The following RTCA variants were observed in gnomAD, a reference collection of about 807,000 sequenced individuals.
The protein encoded by RTCA is RNA terminal phosphate cyclase domain 1.
RTCA carries 37 observed loss-of-function variants against 46.1 expected under a neutral mutation model. That is an observed-to-expected ratio of 0.80 (90% confidence interval 0.62 to 1.06). The LOEUF (loss-of-function observed/expected upper bound fraction) is 1.06, where lower values mean the gene tolerates loss of function less well. Ranked by LOEUF, RTCA falls within the 50% of genes least tolerant of loss-of-function variation. The probability of loss-of-function intolerance (pLI) is 0.00; values close to 1 mark genes in which losing one functional copy is unlikely to be tolerated. For missense variants in RTCA, 435 were observed against 455.5 expected (o/e 0.95, Z 0.41); for synonymous variants, 164 against 158.3 (o/e 1.04, Z -0.27).
intron 8 of RTCA, among the ~76,000 whole-genome samples, chr1:100,282,010 G>A (rs1666737493): frequency 6.6e-6 from 1 of 152,098 alleles, no homozygotes; most frequent in South Asian, 2.1e-4. Context: ...CGGCCTCATG[G>A]CATCTCTCTG....
At chr1:100,266,675 G>T in intron 2 of RTCA, 51 bp downstream of exon 2, 2 of 1,482,136 alleles carry the variant, frequency 1.3e-6, no homozygotes, top group Non-Finnish European at 1.8e-6. Flanking sequence ...GGATCGGGGG[G>T]TCGGGCTGCC....
At chr1:100,285,432 C>A in intron 9 of RTCA, 110 bp downstream of exon 9, 3 of 691,198 alleles carry the variant, frequency 4.3e-6, no homozygotes, top group Non-Finnish European at 7.4e-6. Flanking sequence ...GCAAGTCCTA[C>A]TTCAATAATT....
chr1:100,283,922 T>TAAAAAAAAAAAAAAAAAAAAAAAA (rs562483681), intron 8 of RTCA, among the ~76,000 whole-genome samples: 1 of 11,380 alleles, frequency 8.8e-5, no homozygotes, highest in African/African-American at 3.1e-4. Context: ...ACCTAGTCGC[T>TAAAAAAAAAAAAAAAAAAAAAAAA]AAAAAAAAAA....
intron 2 of RTCA, among the ~76,000 whole-genome samples, chr1:100,267,759 C>T (rs375409311): frequency 2.6e-5 from 4 of 151,846 alleles, no homozygotes; most frequent in Admixed American, 6.6e-5. Context: ...TTCTGAGATA[C>T]GGAGGGTTAC....
At chr1:100,286,248 C>T (rs760326084) in intron 9 of RTCA, among the ~76,000 whole-genome samples, 12 of 151,824 alleles carry the variant, frequency 7.9e-5, no homozygotes, top group Non-Finnish European at 1.0e-4. Flanking sequence ...GTCAAGAGAT[C>T]GAGACCATCC....
At position 100,270,547 on chromosome 1, in the gene RTCA, T is replaced by G. The variant is rs775064971; in HGVS notation, c.291-10T>G. The G allele has an allele frequency of 1.9e-5, 30 of 1,607,002 alleles. No homozygotes were observed. The highest frequency in any genetic ancestry group is 2.3e-5 in the Non-Finnish European group (27 of 1,178,088). On this transcript the variant is annotated splice_polypyrimidine_tract_variant and intron_variant, in intron 3 of 10. Coordinates refer to ENST00000370128, the MANE Select transcript of RTCA (RefSeq NM_003729.4). ...AAAATGAAAATAAGCCCCTTCTGCC[T>G]TCTCCTTAGGAGTGTGTGCCTCTTG... is the stretch of plus-strand genomic sequence containing the variant.
chr1:100,284,481 C>T (rs1407684116), intron 8 of RTCA, among the ~76,000 whole-genome samples: 1 of 151,726 alleles, frequency 6.6e-6, no homozygotes, highest in Non-Finnish European at 1.5e-5. Context: ...GCAACCTCCA[C>T]CTCCCAGGTT....
intron 2 of RTCA, 105 bp from the exon 3 acceptor site, chr1:100,268,047 G>T: frequency 6.6e-7 from 1 of 1,518,740 alleles, no homozygotes; most frequent in South Asian, 1.3e-5. Flanking sequence ...ACTGTGGTTA[G>T]ACCTTGCTGT....
intron 8 of RTCA, among the ~76,000 whole-genome samples, chr1:100,284,867 G>T (rs1480750145): frequency 6.6e-6 from 1 of 152,136 alleles, no homozygotes; most frequent in African/African-American, 2.4e-5. Flanking sequence ...CAAAGTCCTG[G>T]GATTACAGGC....
chr1:100,274,090 C>G (rs75119298), intron 5 of RTCA, among the ~76,000 whole-genome samples: 6,928 of 152,200 alleles, frequency 0.046, 163 homozygotes, highest in South Asian at 0.082. Flanking sequence ...AGTTAGAAAT[C>G]CTATGTTTTT....
At chr1:100,268,394 T>C (rs940731130) in intron 3 of RTCA, 99 bp downstream of exon 3, 3 of 975,428 alleles carry the variant, frequency 3.1e-6, no homozygotes, top group Admixed American at 6.2e-5. Context: ...CTTGTTTCCC[T>C]ACTTTTATGT....
intron 5 of RTCA, 118 bp downstream of exon 5, chr1:100,273,570 A>G (rs1385154120): frequency 1.9e-6 from 1 of 533,998 alleles, no homozygotes; most frequent in African/African-American, 2.0e-5. Context: ...ATCTCTTGTA[A>G]GAAGTAATTG....
intron 8 of RTCA, among the ~76,000 whole-genome samples, chr1:100,283,522 A>G (rs1666835220): frequency 2.6e-5 from 4 of 152,184 alleles, no homozygotes. Context: ...CAAGCATTTC[A>G]GATAAGGGTT....
At chr1:100,266,933 T>C (rs1665815414) in intron 2 of RTCA, 3 of 393,510 alleles carry the variant, frequency 7.6e-6, no homozygotes, top group Non-Finnish European at 1.4e-5. Flanking sequence ...ACAGCACGTA[T>C]GAGCTGGCAA....
intron 8 of RTCA, among the ~76,000 whole-genome samples, chr1:100,283,120 C>T (rs1438748992): frequency 2.0e-5 from 3 of 146,342 alleles, no homozygotes; most frequent in Admixed American, 1.4e-4. Context: ...AGACTTGGGT[C>T]GCATCCCCAA....
At position 100,266,544 on chromosome 1, in the gene RTCA, C is replaced by G; in HGVS notation, c.66C>G (p.Val22=). Residue 22 remains valine (V), a synonymous_variant, in exon 2 of 11, where the codon GTC becomes GTG. Transcript: ENST00000370128. ...IMEGGGQILR[V]STALSCLLGL... is the part of the protein sequence containing the mutation. ...TGCAGGGCGGCCAGATCCTGAGAGT[C>G]TCTACGGCCTTGAGCTGTCTCCTAG... is the stretch of plus-strand genomic sequence containing the variant. 6.2e-7 allele frequency: 1 copy of G among 1,613,724 alleles called. No individual in the cohort carries two copies. Among genetic ancestry groups the G allele is most frequent in the Non-Finnish European group, 8.5e-7 (1 of 1,179,634 alleles).
rs1458076059 is a variant in RTCA, at chr1:100,291,458, ATAT to A, written c.1060_1062del (p.Ile354del). 6.2e-7 allele frequency: 1 copy of A among 1,612,498 alleles called. No homozygotes were observed. Among genetic ancestry groups the A allele is most frequent in the African/African-American group, 1.3e-5 (1 of 74,998 alleles). ...GAAGAAGACGCCGCTAAAGATACTT[ATAT>A]TATTGAATGCCAAGGAATTGGGATG... On this transcript the variant is annotated inframe_deletion, in exon 11 of 11. Coordinates refer to ENST00000370128, the MANE Select transcript of RTCA (RefSeq NM_003729.4).
rs746677124 is a variant in RTCA, at chr1:100,266,367, G to A, written c.-9G>A. On this transcript the variant is annotated 5_prime_UTR_variant, in exon 1 of 11. It adds an upstream start codon to the 5' untranslated region. Transcript: ENST00000370128. ...TTGTCGCTGCGGGCTGGGCCCCAGG[G>A]TGTCCCCCATGGCGGGGCCGCGGGT... 6.2e-7 allele frequency: 1 copy of A among 1,612,236 alleles called. No homozygotes were observed. The highest frequency in any genetic ancestry group is 1.1e-5 in the South Asian group (1 of 90,818).
chr1:100,275,326 C>T (rs1289175483), intron 6 of RTCA, among the ~76,000 whole-genome samples: 4 of 152,056 alleles, frequency 2.6e-5, no homozygotes, highest in Non-Finnish European at 5.9e-5. Context: ...CAGATCTCAG[C>T]GACATGTAAT....
Sources: allele counts gnomAD v4.1 joint callset (sites outside exome capture counted in the v4.1 genomes callset), GRCh38; gene constraint gnomAD v4.1.1; transcripts MANE v1.5; gene names NCBI Gene and HGNC (gene_info 2026-07-23, HGNC 2026-07-21).